The following RTN4 variants were observed in gnomAD, a reference collection of about 807,000 sequenced individuals.
The protein encoded by RTN4 is reticulon-4.
RTN4 carries 32 observed loss-of-function variants against 90.4 expected under a neutral mutation model. The observed-to-expected ratio is 0.35, with a 90% confidence interval of 0.27 to 0.48. RTN4 has a LOEUF of 0.48. Ranked by LOEUF, RTN4 falls within the 20% of genes least tolerant of loss-of-function variation. RTN4 has a pLI of 0.99. For missense variants in RTN4, 1,706 were observed against 1,430.2 expected, an observed-to-expected ratio of 1.19 and a Z score of -3.11; for synonymous variants, 629 against 552.5, an observed-to-expected ratio of 1.14 and a Z score of -1.94.
At chr2:54,979,081 TCTCA>T (rs1677905952) in intron 5 of RTN4, among the ~76,000 whole-genome samples, 1 of 151,388 alleles carries the variant, frequency 6.6e-6, no homozygotes, top group South Asian at 2.1e-4. Flanking sequence ...ACAGACAGGG[TCTCA>T]CTCTGTTGCC....
At position 55,024,585 on chromosome 2, in the gene RTN4, T is replaced by C. The variant is rs75469312; in HGVS notation, c.3013+501A>G. 5.3e-4 allele frequency among the ~76,000 whole-genome samples: 81 copies of C among 152,284 alleles called. 1 individual carries two copies. In the East Asian group the frequency reaches 0.015, roughly 29 times the overall value. Reference sequence around the variant, plus strand: ...ATTCATAATAGCATAACTCATTTTATACTTTTCAACAAAATGTCTACACTC... The same window carrying C: ...ATTCATAATAGCATAACTCATTTTACACTTTTCAACAAAATGTCTACACTC... On this transcript the variant is annotated intron_variant, in intron 3 of 8. Coordinates refer to ENST00000337526, the MANE Select transcript of RTN4 (RefSeq NM_020532.5).
At position 55,026,086 on chromosome 2, in the gene RTN4, T is replaced by C. The variant is rs1041641792; in HGVS notation, c.2013A>G (p.Ser671=). 2 of 1,611,308 alleles carry C rather than the reference T, an allele frequency of 1.2e-6. No individual in the cohort carries two copies. Among genetic ancestry groups the C allele is most frequent in the African/African-American group, 2.7e-5 (2 of 74,636 alleles). ...GCTCTTTAATTTCTTCCTTTATTCC[T>C]GATACTTTTTTTAGTGATACACTCA... ...EAMSVSLKKV[S]GIKEEIKEPE... is the part of the protein sequence containing the mutation. The change falls in exon 3 of 9, where the codon TCA becomes TCG. Residue 671 remains serine, a synonymous_variant. Coordinates refer to ENST00000337526, the MANE Select transcript of RTN4 (RefSeq NM_020532.5).
intron 2 of RTN4, among the ~76,000 whole-genome samples, chr2:55,079,399 G>T (rs1008911424): frequency 2.6e-5 from 4 of 152,122 alleles, no homozygotes; most frequent in African/African-American, 9.7e-5. Flanking sequence ...TTGTTTTAAA[G>T]TCTGACCACT....
At position 55,050,026 on chromosome 2, in the gene RTN4, C is replaced by A. The variant is rs779846954; in HGVS notation, c.275G>T (p.Gly92Val). 3 of 1,390,774 alleles carry A rather than the reference C, an allele frequency of 2.2e-6. No homozygotes were observed. The highest frequency in any genetic ancestry group is 2.8e-6 in the Non-Finnish European group (3 of 1,079,566). 86.2% of individuals were successfully genotyped at this position (1,390,774 alleles called of 1,614,324 possible). Residue 92 changes from glycine to valine, a missense_variant, in exon 1 of 9, where the codon GGA becomes GTA. Transcript: ENST00000337526. This position sits in a 1 kb window ranked among gnomAD's most constrained non-coding sequence, Gnocchi z 4.6. ...GACGGGGGGAGCGGCCGGCAGGGGT[C>A]CCCGGGGCGCCGGCGGCACGAAGTC... ...GNDFVPPAPR[G>V]PLPAAPPVAP...
intron 1 of RTN4, among the ~76,000 whole-genome samples, chr2:55,094,046 TTG>T (rs1271016124): frequency 1.3e-5 from 2 of 152,192 alleles, no homozygotes; most frequent in African/African-American, 4.8e-5. Context: ...ATAATGGTGT[TTG>T]TTATGGACTG....
intron 1 of RTN4, among the ~76,000 whole-genome samples, chr2:55,105,138 A>G (rs1667920787): frequency 6.6e-6 from 1 of 150,450 alleles, no homozygotes; most frequent in Non-Finnish European, 1.5e-5. Context: ...TTTGATTACT[A>G]CTTATGTGAA....
At chr2:54,990,854 C>T (rs1372874354) in intron 3 of RTN4, among the ~76,000 whole-genome samples, 3 of 151,944 alleles carry the variant, frequency 2.0e-5, no homozygotes, top group Non-Finnish European at 4.4e-5. Context: ...GGCGCGATCT[C>T]GGCTCATTGC....
upstream of RTN4, among the ~76,000 whole-genome samples, chr2:55,051,738 C>T (rs114678644): frequency 5.0e-3 from 761 of 152,228 alleles, 5 homozygotes; most frequent in African/African-American, 0.018. Flanking sequence ...GTGTAAAATG[C>T]GCACTGGATT....
At chr2:54,974,874 T>G (rs180819239) in intron 5 of RTN4, 110 bp from the exon 6 acceptor site, 1 of 815,766 alleles carries the variant, frequency 1.2e-6, no homozygotes, top group Admixed American at 2.0e-5. Flanking sequence ...GCATACAACT[T>G]GAAGACTGGG....
chr2:54,997,167 A>T (rs376865780), intron 3 of RTN4, among the ~76,000 whole-genome samples: 4 of 152,248 alleles, frequency 2.6e-5, no homozygotes, highest in East Asian at 3.8e-4. Flanking sequence ...CTTTTACAAC[A>T]GTAAAAAACA....
chr2:55,082,437 G>A (rs910171897), intron 1 of RTN4, among the ~76,000 whole-genome samples: 1 of 152,088 alleles, frequency 6.6e-6, no homozygotes, highest in African/African-American at 2.4e-5. Context: ...CTCCCAACAT[G>A]CTCCTGAAAC....
the RTN4 span, among the ~76,000 whole-genome samples, chr2:55,122,408 C>A: frequency 1.3e-5 from 2 of 152,350 alleles, no homozygotes; most frequent in East Asian, 1.9e-4. Flanking sequence ...CTGACCAGAG[C>A]TGGCTCCATG....
chr2:55,093,817 T>C (rs959938137), intron 1 of RTN4, among the ~76,000 whole-genome samples: 4 of 152,228 alleles, frequency 2.6e-5, no homozygotes, highest in African/African-American at 7.2e-5. Flanking sequence ...AAGGATATAA[T>C]GCATTTCATT....
In RTN4 at chr2:55,013,103, A is replaced by C. The variant is rs1680763277; in HGVS notation, c.3013+11983T>G. ...TTTCCCATAAAAGCAAAGGCTCACA[A>C]AGGAGAGGCCACAGAAAACTCCTTT... On this transcript the variant is annotated intron_variant, in intron 3 of 8. Transcript: ENST00000337526. Among the ~76,000 whole-genome samples the C allele has an allele frequency of 2.6e-5, 4 of 152,304 alleles. No homozygotes were observed. In the South Asian group the frequency reaches 8.3e-4, roughly 32 times the overall value.
upstream of RTN4, among the ~76,000 whole-genome samples, chr2:55,112,967 C>T (rs1296361734): frequency 1.3e-5 from 2 of 152,158 alleles, no homozygotes; most frequent in South Asian, 2.1e-4. Context: ...AGACACATGA[C>T]AACAAACTGT....
chr2:55,132,691 G>T, the RTN4 span, among the ~76,000 whole-genome samples: 2 of 150,956 alleles, frequency 1.3e-5, no homozygotes, highest in South Asian at 4.2e-4. Context: ...GCATGTGCCT[G>T]CAATTCTAGC....
At chr2:54,986,301 A>C (rs1678557167) in intron 4 of RTN4, among the ~76,000 whole-genome samples, 1 of 152,232 alleles carries the variant, frequency 6.6e-6, no homozygotes, top group Non-Finnish European at 1.5e-5. Flanking sequence ...TCAATGTAGT[A>C]ACAAATGGAG....
At chr2:55,117,220 A>G (rs1223008623), upstream of RTN4, among the ~76,000 whole-genome samples, 1 of 152,224 alleles carries the variant, frequency 6.6e-6, no homozygotes, top group Non-Finnish European at 1.5e-5. Flanking sequence ...CAATGAAAAA[A>G]GCATAAAGAC....
the RTN4 span, among the ~76,000 whole-genome samples, chr2:55,122,525 T>C: frequency 2.0e-5 from 3 of 152,234 alleles, no homozygotes; most frequent in Non-Finnish European, 2.9e-5. Flanking sequence ...TAATTTTATC[T>C]TTGAACTTGT....
Sources: allele counts gnomAD v4.1 joint callset (sites outside exome capture counted in the v4.1 genomes callset), GRCh38; gene constraint gnomAD v4.1.1; non-coding constraint Gnocchi (gnomAD v3.1); transcripts MANE v1.5; gene names NCBI Gene and HGNC (gene_info 2026-07-23, HGNC 2026-07-21).